SPIRE1: variants seen among roughly 807,000 people sequenced by gnomAD.
SPIRE1 encodes protein spire homolog 1.
A neutral mutation model predicts 94.1 loss-of-function variants in SPIRE1; 40 were observed. The observed-to-expected ratio is 0.43, with a 90% CI of 0.33 to 0.55. The LOEUF (loss-of-function observed/expected upper bound fraction) is 0.55. Ranked by LOEUF, SPIRE1 falls within the 20% of genes least tolerant of loss-of-function variation. The probability of loss-of-function intolerance (pLI) is 0.06; values close to 1 mark genes in which losing one functional copy is unlikely to be tolerated. For missense variants in SPIRE1, 838 were observed against 975.2 expected (o/e 0.86, Z 1.87); for synonymous variants, 376 against 371.7 (o/e 1.01, Z -0.13).
At chr18:12,591,868 C>T (rs2036544480) in intron 2 of SPIRE1, among the ~76,000 whole-genome samples, 1 of 147,148 alleles carries the variant, frequency 6.8e-6, no homozygotes, top group Non-Finnish European at 1.5e-5. Context: ...ACTTGGGAGG[C>T]TGATGCAGGA....
chr18:12,652,087 C>T (rs1172752099), intron 1 of SPIRE1, among the ~76,000 whole-genome samples: 1 of 152,208 alleles, frequency 6.6e-6, no homozygotes, highest in Non-Finnish European at 1.5e-5. Context: ...TCCTGAAAGA[C>T]TGTGAGACCA....
intron 2 of SPIRE1, among the ~76,000 whole-genome samples, chr18:12,566,925 T>C (rs545683480): frequency 9.9e-5 from 15 of 152,242 alleles, no homozygotes; most frequent in African/African-American, 1.4e-4. Flanking sequence ...CTCATGGACA[T>C]AGACACAAAA....
intron 2 of SPIRE1, among the ~76,000 whole-genome samples, chr18:12,609,154 C>CTCACTCAACCA (rs1003450408): frequency 2.6e-5 from 4 of 152,192 alleles, no homozygotes; most frequent in African/African-American, 9.7e-5. Context: ...GGTTGTAATG[C>CTCACTCAACCA]TCACTCAACC....
chr18:12,649,684 T>C (rs544700591), intron 1 of SPIRE1, among the ~76,000 whole-genome samples: 1 of 152,280 alleles, frequency 6.6e-6, no homozygotes, highest in Non-Finnish European at 1.5e-5. Flanking sequence ...CAACATATAG[T>C]CCTTGGTAGC....
intron 2 of SPIRE1, among the ~76,000 whole-genome samples, chr18:12,619,299 G>A (rs2037396100): frequency 6.6e-6 from 1 of 152,006 alleles, no homozygotes; most frequent in African/African-American, 2.4e-5. Flanking sequence ...ATCAGGTCAG[G>A]AGATTGACAC....
intron 2 of SPIRE1, among the ~76,000 whole-genome samples, chr18:12,572,333 G>C (rs965904306): frequency 9.9e-5 from 15 of 151,970 alleles, no homozygotes; most frequent in African/African-American, 3.6e-4. Context: ...AATAGACAGG[G>C]TCTCACTATG....
intron 1 of SPIRE1, among the ~76,000 whole-genome samples, chr18:12,654,080 T>C (rs994464696): frequency 1.1e-4 from 17 of 152,130 alleles, no homozygotes; most frequent in African/African-American, 4.1e-4. Flanking sequence ...CTCACTTCTG[T>C]AATCCCAGCA....
At chr18:12,655,652 C>G (rs2038518228) in intron 1 of SPIRE1, among the ~76,000 whole-genome samples, 1 of 152,016 alleles carries the variant, frequency 6.6e-6, no homozygotes, top group Non-Finnish European at 1.5e-5. Context: ...ATCACTCACA[C>G]TAGTGATGTA....
At chr18:12,650,221 A>G (rs2038338470) in intron 1 of SPIRE1, among the ~76,000 whole-genome samples, 2 of 151,376 alleles carry the variant, frequency 1.3e-5, no homozygotes, top group Non-Finnish European at 3.0e-5. Flanking sequence ...CCTGGGCAAC[A>G]GACTAAGACT....
intron 2 of SPIRE1, among the ~76,000 whole-genome samples, chr18:12,629,679 T>C (rs575259595): frequency 6.6e-6 from 1 of 152,234 alleles, no homozygotes; most frequent in African/African-American, 2.4e-5. Context: ...TGACAAAACT[T>C]GATTGTAGGG....
intron 2 of SPIRE1, among the ~76,000 whole-genome samples, chr18:12,548,561 T>C (rs1054273137): frequency 6.6e-6 from 1 of 152,084 alleles, no homozygotes; most frequent in Non-Finnish European, 1.5e-5. Context: ...ATATTTTCAC[T>C]GGATTTACAG....
At chr18:12,508,001 C>A (rs1297316406) in intron 5 of SPIRE1, among the ~76,000 whole-genome samples, 4 of 151,828 alleles carry the variant, frequency 2.6e-5, no homozygotes, top group Non-Finnish European at 5.9e-5. Context: ...AAAAAATTAG[C>A]CGGGTGTGGT....
At chr18:12,563,164 G>C (rs1298646416) in intron 2 of SPIRE1, among the ~76,000 whole-genome samples, 3 of 150,636 alleles carry the variant, frequency 2.0e-5, no homozygotes, top group Admixed American at 6.6e-5. Flanking sequence ...CACACTCACA[G>C]ATACCCCCAA....
chr18:12,523,216 A>G (rs975633984), intron 4 of SPIRE1, among the ~76,000 whole-genome samples: 5 of 152,208 alleles, frequency 3.3e-5, no homozygotes, highest in African/African-American at 9.6e-5. Context: ...GATGTGGTGG[A>G]AACAGTCAAC....
Position 12,535,590 on chromosome 18 carries a change from A to G in SPIRE1, c.615T>C (p.Ala205=), listed in dbSNP as rs1303292660. The G allele has an allele frequency of 1.9e-6, 3 of 1,612,736 alleles. No individual in the cohort carries two copies. Among genetic ancestry groups the G allele is most frequent in the East Asian group, 2.2e-5 (1 of 44,834 alleles). Residue 205 remains alanine, a synonymous_variant, in exon 4 of 17, where the codon GCT becomes GCC. Coordinates refer to ENST00000409402, the MANE Select transcript of SPIRE1 (RefSeq NM_001128626.2). The part of the protein sequence containing the change: ...SYRDVMKLCA[A]HLPTESDAPN... Reference sequence around the variant, plus strand: ...GTGCATCTGATTCAGTAGGGAGATGAGCAGCACACAACTATAGAAGGGGAA... The same window carrying G: ...GTGCATCTGATTCAGTAGGGAGATGGGCAGCACACAACTATAGAAGGGGAA...
chr18:12,501,087 A>G (rs1302023032), intron 6 of SPIRE1, among the ~76,000 whole-genome samples: 1 of 147,916 alleles, frequency 6.8e-6, no homozygotes, highest in Non-Finnish European at 1.5e-5. Context: ...AAAAAAAAAA[A>G]AAAAAAAAGA....
At chr18:12,513,728 G>C (rs371009676) in intron 4 of SPIRE1, among the ~76,000 whole-genome samples, 1 of 152,068 alleles carries the variant, frequency 6.6e-6, no homozygotes, top group East Asian at 1.9e-4. Flanking sequence ...TCTCCATGTC[G>C]GTCAGGCTGT....
At chr18:12,590,379 C>T (rs112556211) in intron 2 of SPIRE1, among the ~76,000 whole-genome samples, 8,158 of 152,188 alleles carry the variant, frequency 0.054, 323 homozygotes, top group Non-Finnish European at 0.081. Flanking sequence ...CGTGAGCCAC[C>T]GTGCCTGGCC....
At chr18:12,531,548 T>G (rs1408381117) in intron 4 of SPIRE1, among the ~76,000 whole-genome samples, 1 of 152,178 alleles carries the variant, frequency 6.6e-6, no homozygotes, top group Admixed American at 6.5e-5. Flanking sequence ...AATGCTGTTA[T>G]CAGCAGCACT....
Sources: gnomAD v4.1 joint callset for allele counts (sites outside exome capture counted in the v4.1 genomes callset) on GRCh38, gnomAD v4.1.1 for gene constraint, MANE v1.5 for transcripts, NCBI Gene and HGNC (gene_info 2026-07-23, HGNC 2026-07-21) for gene names.